Variants in PPFIA2 observed in about 807,000 individuals in gnomAD.
PPFIA2 encodes the protein PPFI scaffold protein A2, also known as liprin-alpha-2.
In PPFIA2, 46 loss-of-function variants were observed where a neutral mutation model predicts 175.5. The ratio of observed to expected loss-of-function variants is 0.26; its 90% CI spans 0.21 to 0.34. PPFIA2 has a LOEUF of 0.34. PPFIA2 is among the 10% of genes least tolerant of loss of function. PPFIA2 has a pLI of 1.00. For missense variants in PPFIA2, 1,179 were observed against 1,506.1 expected (o/e 0.78, Z 3.60); for synonymous variants, 568 against 511.4 (o/e 1.11, Z -1.49).
intron 7 of PPFIA2, among the ~76,000 whole-genome samples, chr12:81,435,422 C>A (rs2048796992): frequency 6.6e-6 from 1 of 152,116 alleles, no homozygotes; most frequent in Admixed American, 6.5e-5. Flanking sequence ...ATTTTAGTTT[C>A]TTTTCTACAG....
At chr12:81,430,495 A>G (rs539043806) in intron 7 of PPFIA2, 1 of 151,888 alleles carries the variant, frequency 6.6e-6, no homozygotes, top group East Asian at 1.9e-4. Flanking sequence ...TTCAAGAAAC[A>G]TTGAACACCT....
intron 4 of PPFIA2, among the ~76,000 whole-genome samples, chr12:81,653,292 A>C (rs1057081245): frequency 6.6e-6 from 1 of 152,050 alleles, no homozygotes; most frequent in African/African-American, 2.4e-5. Context: ...GTTGCCTCTC[A>C]CTCCAATACC....
At chr12:81,445,299 G>A (rs1265131518) in intron 6 of PPFIA2, among the ~76,000 whole-genome samples, 1 of 150,886 alleles carries the variant, frequency 6.6e-6, no homozygotes. Context: ...CTGAAGTAGG[G>A]TTATAATGTA....
chr12:81,363,073 A>T (rs2031568582), intron 14 of PPFIA2, among the ~76,000 whole-genome samples: 1 of 151,564 alleles, frequency 6.6e-6, no homozygotes, highest in Non-Finnish European at 1.5e-5. Context: ...TCACTTAAAA[A>T]TGCAGAGTAG....
chr12:81,441,153 C>T (rs1289645361), intron 6 of PPFIA2, among the ~76,000 whole-genome samples: 1 of 151,326 alleles, frequency 6.6e-6, no homozygotes, highest in African/African-American at 2.4e-5. Flanking sequence ...TGTAAAAACC[C>T]AGATACATAA....
intron 4 of PPFIA2, among the ~76,000 whole-genome samples, chr12:81,468,415 C>G (rs2056128066): frequency 6.6e-6 from 1 of 152,172 alleles, no homozygotes; most frequent in Non-Finnish European, 1.5e-5. Flanking sequence ...TCATTGCCAA[C>G]CAAAAACTCT....
At chr12:81,457,247 G>A (rs1329113477) in intron 5 of PPFIA2, among the ~76,000 whole-genome samples, 1 of 151,086 alleles carries the variant, frequency 6.6e-6, no homozygotes, top group African/African-American at 2.4e-5. Context: ...GCCTCCCAAA[G>A]TGCTGGGATT....
At chr12:81,637,236 AT>A (rs71098156) in intron 4 of PPFIA2, among the ~76,000 whole-genome samples, 1 of 65,908 alleles carries the variant, frequency 1.5e-5, no homozygotes. Flanking sequence ...CGCCAGGCTA[AT>A]TTTTTTTTTT....
intron 4 of PPFIA2, among the ~76,000 whole-genome samples, chr12:81,519,345 T>C (rs1252839003): frequency 1.3e-5 from 2 of 152,232 alleles, no homozygotes; most frequent in African/African-American, 4.8e-5. Context: ...TAAAGACTAA[T>C]TTTAATGCTG....
At chr12:81,653,940 A>T (rs1334798037) in intron 4 of PPFIA2, among the ~76,000 whole-genome samples, 1 of 152,118 alleles carries the variant, frequency 6.6e-6, no homozygotes, top group African/African-American at 2.4e-5. Flanking sequence ...CTAAATATAG[A>T]TATGAGTAAA....
intron 4 of PPFIA2, among the ~76,000 whole-genome samples, chr12:81,566,302 G>A (rs187524021): frequency 1.4e-4 from 22 of 152,068 alleles, no homozygotes; most frequent in African/African-American, 5.1e-4. Context: ...GGCAGGTAGA[G>A]CATGAGGTCA....
At chr12:81,474,239 C>A (rs1239337270) in intron 4 of PPFIA2, among the ~76,000 whole-genome samples, 1 of 152,186 alleles carries the variant, frequency 6.6e-6, no homozygotes, top group African/African-American at 2.4e-5. Context: ...TCACTGCAAC[C>A]TCCACCTCCC....
chr12:81,462,585 CATATATATAT>C (rs71098145), intron 4 of PPFIA2, among the ~76,000 whole-genome samples: 1 of 124,680 alleles, frequency 8.0e-6, no homozygotes, highest in Non-Finnish European at 1.7e-5. Flanking sequence ...TATATATATA[CATATATATAT>C]ATATATATAT....
At chr12:81,362,325 G>A (rs1226758954) in intron 15 of PPFIA2, among the ~76,000 whole-genome samples, 1 of 150,772 alleles carries the variant, frequency 6.6e-6, no homozygotes, top group Non-Finnish European at 1.5e-5. Flanking sequence ...ATTTTATGTC[G>A]AATTCAATTT....
intron 4 of PPFIA2, among the ~76,000 whole-genome samples, chr12:81,489,626 T>A (rs1349974562): frequency 6.6e-6 from 1 of 151,938 alleles, no homozygotes; most frequent in Non-Finnish European, 1.5e-5. Flanking sequence ...AATGTTTCAT[T>A]TTCACTTGAA....
chr12:81,366,021 C>CCTTT (rs2033244218), intron 14 of PPFIA2, among the ~76,000 whole-genome samples: 5 of 110,422 alleles, frequency 4.5e-5, no homozygotes, highest in African/African-American at 6.9e-5. Context: ...TTCCTTCCTT[C>CCTTT]CTTCCTTCCT....
chr12:81,416,690 C>T (rs927750386), intron 7 of PPFIA2, among the ~76,000 whole-genome samples: 1 of 151,608 alleles, frequency 6.6e-6, no homozygotes, highest in Admixed American at 6.6e-5. Context: ...ACAATCACTC[C>T]CACAGGGCTC....
At chr12:81,316,786 C>A (rs1179650694) in intron 22 of PPFIA2, among the ~76,000 whole-genome samples, 3 of 151,478 alleles carry the variant, frequency 2.0e-5, no homozygotes, top group Non-Finnish European at 3.0e-5. Flanking sequence ...CTGGGGAATT[C>A]TTCATTCACT....
chr12:81,433,144 C>G (rs2048394895), intron 7 of PPFIA2, among the ~76,000 whole-genome samples: 1 of 152,104 alleles, frequency 6.6e-6, no homozygotes, highest in African/African-American at 2.4e-5. Context: ...TCTTTACCCT[C>G]CTCTTCTGTA....
Sources: allele counts gnomAD v4.1 joint callset (sites outside exome capture counted in the v4.1 genomes callset), GRCh38; gene constraint gnomAD v4.1.1; transcripts MANE v1.5; gene names NCBI Gene and HGNC (gene_info 2026-07-23, HGNC 2026-07-21).